The following CACNA1E variants were observed in gnomAD, a reference collection of about 807,000 sequenced individuals.
CACNA1E encodes the protein voltage-dependent R-type calcium channel subunit alpha-1E.
Under a neutral mutation model 259.2 loss-of-function variants are expected in CACNA1E, and 40 were observed. The ratio of observed to expected loss-of-function variants is 0.15; its 90% CI spans 0.12 to 0.20. The LOEUF (loss-of-function observed/expected upper bound fraction) is 0.20, where lower values mean the gene tolerates loss of function less well. Among genes scored for constraint, CACNA1E ranks in the 10% least tolerant of loss-of-function variants. CACNA1E has a pLI of 1.00. For missense variants in CACNA1E, 1,874 were observed against 3,040.1 expected (o/e 0.62, Z 9.02); for synonymous variants, 1,104 against 1,138.5 (o/e 0.97, Z 0.61).
chr1:181,449,455 C>A (rs764061955), intron 2 of CACNA1E, among the ~76,000 whole-genome samples: 3 of 152,184 alleles, frequency 2.0e-5, no homozygotes, highest in Non-Finnish European at 2.9e-5. Context: ...GGCAGCACAC[C>A]ACAATTCTGT....
intron 6 of CACNA1E, among the ~76,000 whole-genome samples, chr1:181,619,656 G>T (rs1476597526): frequency 2.6e-5 from 4 of 152,158 alleles, no homozygotes; most frequent in African/African-American, 9.7e-5. Context: ...AGAGATGATG[G>T]TGGCTTAGCC....
In CACNA1E at chr1:181,756,202, A is replaced by C; in HGVS notation, c.4127+109A>C. On this transcript the variant is annotated intron_variant, in intron 29 of 47. Transcript: ENST00000367573. ...CTCACGCTTTGTTATTGTATCAGGGAAAGTAAGGGGTTTTGAGAAGGTGAC... is the reference window on the plus strand; with the variant it reads ...CTCACGCTTTGTTATTGTATCAGGGCAAGTAAGGGGTTTTGAGAAGGTGAC... 2.7e-6 allele frequency: 3 copies of C among 1,113,554 alleles called. No individual in the cohort carries two copies. The South Asian group carries it at 6.0e-5, about 22-fold the overall frequency. The allele number at this position is 1,113,554 out of a possible 1,614,324, so 69.0% of individuals were successfully genotyped here.
chr1:181,363,771 G>A (rs920305991), intron 1 of CACNA1E, among the ~76,000 whole-genome samples: 24 of 152,312 alleles, frequency 1.6e-4, no homozygotes, highest in African/African-American at 5.8e-4. Flanking sequence ...CAATAAGGTT[G>A]CAGGTGCCAG....
At chr1:181,781,307 G>T in intron 38 of CACNA1E, 120 bp from the exon 39 acceptor site, 7 of 638,094 alleles carry the variant, frequency 1.1e-5, no homozygotes, top group South Asian at 1.8e-5. Context: ...TTGCTCTCTG[G>T]GAATGCCTAT....
chr1:181,507,762 A>T (rs542357022), intron 1 of CACNA1E, among the ~76,000 whole-genome samples: 1 of 152,344 alleles, frequency 6.6e-6, no homozygotes, highest in Admixed American at 6.5e-5. Context: ...TTAGAATGCG[A>T]GAGGTCTGCA....
intron 7 of CACNA1E, among the ~76,000 whole-genome samples, chr1:181,667,742 G>A (rs1362747519): frequency 6.6e-6 from 1 of 152,004 alleles, no homozygotes; most frequent in Non-Finnish European, 1.5e-5. Context: ...GTTTCAAAAA[G>A]GAATGAGAAG....
chr1:181,667,196 G>C (rs1184814701), intron 7 of CACNA1E, among the ~76,000 whole-genome samples: 1 of 152,134 alleles, frequency 6.6e-6, no homozygotes, highest in Non-Finnish European at 1.5e-5. Context: ...TAATAAGATT[G>C]TAATAAAGCT....
chr1:181,717,186 G>A lies in CACNA1E; in HGVS notation c.1409G>A (p.Arg470His). 1.9e-6 allele frequency: 3 copies of A among 1,613,924 alleles called. No homozygotes were observed. The highest frequency in any genetic ancestry group is 2.5e-6 in the Non-Finnish European group (3 of 1,179,848). Residue 470 changes from arginine (R) to histidine (H), a missense_variant, in exon 11 of 48, where the codon CGC becomes CAC. Transcript: ENST00000367573. Reference sequence around the variant, plus strand: ...GAAAGGCTTCTGCGCATCTCCATTCGCCACATGGTTAAATCCCAGGTGTTT... The same window carrying A: ...GAAAGGCTTCTGCGCATCTCCATTCACCACATGGTTAAATCCCAGGTGTTT... ...HKERLLRISIRHMVKSQVFYW... is the reference protein window; with the variant it reads ...HKERLLRISIHHMVKSQVFYW...
At chr1:181,596,803 G>A (rs892658552) in intron 6 of CACNA1E, among the ~76,000 whole-genome samples, 5 of 152,092 alleles carry the variant, frequency 3.3e-5, no homozygotes, top group African/African-American at 1.2e-4. Flanking sequence ...GATAATAACT[G>A]GGGAATTAAA....
intron 2 of CACNA1E, among the ~76,000 whole-genome samples, chr1:181,434,056 C>T (rs1659910466): frequency 6.6e-6 from 1 of 152,186 alleles, no homozygotes; most frequent in Non-Finnish European, 1.5e-5. Context: ...GTCCCCATCC[C>T]TGGAATCTAA....
intron 1 of CACNA1E, among the ~76,000 whole-genome samples, chr1:181,394,062 C>T (rs1190757837): frequency 3.3e-5 from 5 of 152,142 alleles, no homozygotes; most frequent in Non-Finnish European, 7.4e-5. Context: ...GATGTGGTGA[C>T]TTCAGTTGGC....
intron 7 of CACNA1E, among the ~76,000 whole-genome samples, chr1:181,674,116 A>G (rs935522348): frequency 7.9e-5 from 12 of 151,702 alleles, no homozygotes; most frequent in Non-Finnish European, 1.5e-4. Flanking sequence ...GCGGTGGCTC[A>G]TGCCTATAAT....
chr1:181,698,919 G>A (rs1378259844), intron 7 of CACNA1E, among the ~76,000 whole-genome samples: 2 of 152,112 alleles, frequency 1.3e-5, no homozygotes, highest in Admixed American at 6.5e-5. Flanking sequence ...GACTACAGAG[G>A]GACAAAGTCT....
At chr1:181,496,095 T>C (rs1664729047) in intron 1 of CACNA1E, among the ~76,000 whole-genome samples, 1 of 152,228 alleles carries the variant, frequency 6.6e-6, no homozygotes, top group Admixed American at 6.5e-5. Flanking sequence ...AGACTTTTTT[T>C]CTTCCTTCTC....
At chr1:181,756,797 T>C (rs1658126718) in intron 29 of CACNA1E, 128 bp from the exon 30 acceptor site, 1 of 678,088 alleles carries the variant, frequency 1.5e-6, no homozygotes, top group South Asian at 1.8e-5. Context: ...GGGTTTGGAC[T>C]CAAAAAAAAT....
chr1:181,343,751 A>G (rs1012429758), intron 1 of CACNA1E, among the ~76,000 whole-genome samples: 1 of 152,178 alleles, frequency 6.6e-6, no homozygotes, highest in Non-Finnish European at 1.5e-5. Context: ...GCATCCTTGC[A>G]TCCTTGGCCC....
At position 181,348,299 on chromosome 1, in the gene CACNA1E, G is replaced by A. The variant is rs534890361; in HGVS notation, c.-15+30176G>A. Reference sequence around the variant, plus strand: ...GGTCAGCATGCCCAAGGTCAGCATGGGGGAGGGTATCAAACCAGGTCGCAT... The same window carrying A: ...GGTCAGCATGCCCAAGGTCAGCATGAGGGAGGGTATCAAACCAGGTCGCAT... On this transcript the variant is annotated intron_variant, in intron 1 of 11. Coordinates refer to the CACNA1E transcript ENST00000524607. Among the ~76,000 whole-genome samples the A allele has an allele frequency of 1.2e-3, 186 of 152,154 alleles. 1 individual carries two copies. Among genetic ancestry groups the A allele is most frequent in the African/African-American group, 4.3e-3 (178 of 41,506 alleles).
chr1:181,673,739 C>T (rs1235183285), intron 7 of CACNA1E, among the ~76,000 whole-genome samples: 3 of 152,116 alleles, frequency 2.0e-5, no homozygotes, highest in East Asian at 3.9e-4. Flanking sequence ...AAATTACAGT[C>T]GACATGACCC....
At chr1:181,769,171 A>G (rs116182746) in intron 35 of CACNA1E, among the ~76,000 whole-genome samples, 1,689 of 152,182 alleles carry the variant, frequency 0.011, 26 homozygotes, top group African/African-American at 0.037. Flanking sequence ...AGTACAGTGG[A>G]GGTGTTGGTT....
Sources: gnomAD v4.1 joint callset for allele counts (sites outside exome capture counted in the v4.1 genomes callset) on GRCh38, gnomAD v4.1.1 for gene constraint, MANE v1.5 for transcripts, NCBI Gene and HGNC (gene_info 2026-07-23, HGNC 2026-07-21) for gene names.